CCSER1: variants seen among roughly 807,000 people sequenced by gnomAD.
The protein encoded by CCSER1 is serine-rich coiled-coil domain-containing protein 1.
CCSER1 carries 41 observed loss-of-function variants against 82.0 expected under a neutral mutation model. The observed-to-expected ratio is 0.50, with a 90% CI of 0.39 to 0.65. The LOEUF (loss-of-function observed/expected upper bound fraction) is 0.65. CCSER1 is among the 30% of genes least tolerant of loss of function. CCSER1 has a pLI of 0.00. For synonymous variants in CCSER1, 414 were observed against 383.9 expected (o/e 1.08, Z -0.92); for missense variants, 1,119 against 1,064.2 (o/e 1.05, Z -0.72).
chr4:90,521,654 T>C (rs1429615390), intron 5 of CCSER1, among the ~76,000 whole-genome samples: 1 of 152,148 alleles, frequency 6.6e-6, no homozygotes, highest in Admixed American at 6.5e-5. Context: ...AGGTTAGAGA[T>C]AGAAACACTG....
At chr4:90,285,382 A>G (rs1228942547) in intron 1 of CCSER1, among the ~76,000 whole-genome samples, 6 of 151,890 alleles carry the variant, frequency 4.0e-5, no homozygotes, top group Non-Finnish European at 7.4e-5. Flanking sequence ...ACTTGTAGGT[A>G]TTTAATTTTA....
At chr4:90,725,467 T>C (rs578091607) in intron 7 of CCSER1, among the ~76,000 whole-genome samples, 26 of 151,658 alleles carry the variant, frequency 1.7e-4, no homozygotes, top group African/African-American at 5.5e-4. Flanking sequence ...TTTAGTATTG[T>C]CTTTTGATGG....
intron 7 of CCSER1, among the ~76,000 whole-genome samples, chr4:90,766,103 A>G (rs1561096771): frequency 6.6e-6 from 1 of 152,108 alleles, no homozygotes; most frequent in Non-Finnish European, 1.5e-5. Flanking sequence ...AGTAACCTAG[A>G]GAGGAAATTT....
intron 1 of CCSER1, among the ~76,000 whole-genome samples, chr4:90,251,516 T>C (rs1318023106): frequency 6.6e-6 from 1 of 152,020 alleles, no homozygotes; most frequent in East Asian, 1.9e-4. Flanking sequence ...ATTGATATGG[T>C]ATATTATATT....
intron 10 of CCSER1, among the ~76,000 whole-genome samples, chr4:91,088,059 C>G (rs767554865): frequency 6.6e-6 from 1 of 152,020 alleles, no homozygotes; most frequent in Non-Finnish European, 1.5e-5. Context: ...ATCTAATTTC[C>G]ATTTGTTATG....
chr4:91,555,976 C>T (rs181423294), intron 10 of CCSER1, among the ~76,000 whole-genome samples: 2 of 151,148 alleles, frequency 1.3e-5, no homozygotes, highest in East Asian at 3.9e-4. Flanking sequence ...CTTAATTACT[C>T]CATTGTAGAT....
At chr4:91,220,788 T>A (rs1737667377) in intron 10 of CCSER1, among the ~76,000 whole-genome samples, 1 of 152,144 alleles carries the variant, frequency 6.6e-6, no homozygotes, top group African/African-American at 2.4e-5. Context: ...GAAGGAAAAT[T>A]TAAAAAGATA....
intron 10 of CCSER1, among the ~76,000 whole-genome samples, chr4:91,494,991 C>T (rs1255510468): frequency 2.6e-5 from 4 of 151,624 alleles, no homozygotes; most frequent in Admixed American, 6.6e-5. Flanking sequence ...CACATTGCTA[C>T]GTGGTGTTTT....
chr4:91,528,632 AAT>A (rs1007444421), intron 10 of CCSER1, among the ~76,000 whole-genome samples: 28 of 152,276 alleles, frequency 1.8e-4, no homozygotes, highest in African/African-American at 6.5e-4. Context: ...TATTAGAGAC[AAT>A]ATGTTTTTGT....
At chr4:90,230,586 T>TCC (rs1170199802) in intron 1 of CCSER1, among the ~76,000 whole-genome samples, 1 of 151,118 alleles carries the variant, frequency 6.6e-6, no homozygotes, top group Non-Finnish European at 1.5e-5. Context: ...GCAAACACAT[T>TCC]CAAAAGCTAG....
At chr4:90,917,998 G>A (rs1481454263) in intron 8 of CCSER1, among the ~76,000 whole-genome samples, 1 of 151,870 alleles carries the variant, frequency 6.6e-6, no homozygotes, top group East Asian at 1.9e-4. Context: ...CAGACTTTGT[G>A]TTTCTTTTAC....
chr4:90,190,960 A>G (rs1161850171), intron 1 of CCSER1, among the ~76,000 whole-genome samples: 1 of 152,118 alleles, frequency 6.6e-6, no homozygotes, highest in Non-Finnish European at 1.5e-5. Flanking sequence ...CAAATTGGAA[A>G]AGAGCTTCAA....
At chr4:91,387,697 A>C (rs1415793551) in intron 10 of CCSER1, among the ~76,000 whole-genome samples, 2 of 151,920 alleles carry the variant, frequency 1.3e-5, no homozygotes, top group Non-Finnish European at 2.9e-5. Flanking sequence ...AGTAACTTAT[A>C]GATTAAGGGG....
At chr4:91,089,482 T>C (rs1379773016) in intron 10 of CCSER1, among the ~76,000 whole-genome samples, 1 of 152,206 alleles carries the variant, frequency 6.6e-6, no homozygotes. Flanking sequence ...TCTTTCTCTC[T>C]TCTTTCATTT....
At chr4:90,916,162 T>C (rs1364890577) in intron 8 of CCSER1, among the ~76,000 whole-genome samples, 7 of 152,186 alleles carry the variant, frequency 4.6e-5, no homozygotes, top group African/African-American at 9.6e-5. Context: ...TGGAAAAAAC[T>C]ACTTTAAAGT....
chr4:91,591,785 CA>C (rs1764282454), intron 10 of CCSER1, among the ~76,000 whole-genome samples: 1 of 152,118 alleles, frequency 6.6e-6, no homozygotes, highest in Non-Finnish European at 1.5e-5. Context: ...TATGTTTACA[CA>C]ATGGGGCCGG....
intron 9 of CCSER1, among the ~76,000 whole-genome samples, chr4:90,982,843 C>T (rs994652783): frequency 9.9e-5 from 15 of 151,588 alleles, no homozygotes; most frequent in African/African-American, 3.4e-4. Flanking sequence ...GTTCCTGAGG[C>T]TTGACAGCCT....
intron 9 of CCSER1, among the ~76,000 whole-genome samples, chr4:91,010,259 C>A (rs143052146): frequency 6.6e-6 from 1 of 152,238 alleles, no homozygotes; most frequent in East Asian, 1.9e-4. Flanking sequence ...TGCAGAGTTT[C>A]TGCTGAAAAA....
intron 8 of CCSER1, among the ~76,000 whole-genome samples, chr4:90,878,093 T>C (rs980655693): frequency 6.6e-6 from 1 of 152,146 alleles, no homozygotes; most frequent in African/African-American, 2.4e-5. Context: ...ATCACAGTGA[T>C]CCATTGTGAA....
Sources: allele counts gnomAD v4.1 joint callset (sites outside exome capture counted in the v4.1 genomes callset), GRCh38; gene constraint gnomAD v4.1.1; transcripts MANE v1.5; gene names NCBI Gene and HGNC (gene_info 2026-07-23, HGNC 2026-07-21).